Variants in COL1A2 observed in about 807,000 individuals in gnomAD.
COL1A2 encodes the protein collagen type I alpha 2 chain, also known as collagen alpha-2(I) chain.
A neutral mutation model predicts 174.3 loss-of-function variants in COL1A2; 49 were observed. The observed-to-expected ratio is 0.28, with a 90% CI of 0.22 to 0.36. The LOEUF is 0.36. COL1A2 is among the 10% of genes least tolerant of loss of function. The probability of loss-of-function intolerance (pLI) is 1.00; values close to 1 mark genes in which losing one functional copy is unlikely to be tolerated. For missense variants in COL1A2, 1,438 were observed against 1,822.7 expected (o/e 0.79, Z 3.84); for synonymous variants, 655 against 606.6 (o/e 1.08, Z -1.17).
At chr7:94,398,439 G>A (rs1374798220) in intron 3 of COL1A2, 43 bp downstream of exon 3, 11 of 841,656 alleles carry the variant, frequency 1.3e-5, no homozygotes, top group Admixed American at 2.6e-5. Context: ...AAATTATCAG[G>A]GATAACATAA....
chr7:94,410,238 C>G lies in COL1A2; in HGVS notation c.1036-4C>G. 1 of 1,613,636 alleles carries G rather than the reference C, an allele frequency of 6.2e-7. No individual in the cohort carries two copies. The highest frequency in any genetic ancestry group is 8.5e-7 in the Non-Finnish European group (1 of 1,179,984). On this transcript the variant is annotated splice_polypyrimidine_tract_variant and splice_region_variant and intron_variant, in intron 19 of 51. Transcript: ENST00000297268. ...TTTGACCACTGTTCTGTATTGAACC[C>G]TAGGGTGAGCCTGGTCCAGCTGGCT...
intron 39 of COL1A2, chr7:94,422,572 T>TAA (rs56747800): frequency 8.9e-5 from 16 of 179,432 alleles, no homozygotes; most frequent in Non-Finnish European, 1.4e-4. Flanking sequence ...TGGCTTTCTT[T>TAA]AAAAAAAAAA....
chr7:94,425,747 T>C lies in COL1A2; in HGVS notation c.2836-3T>C. Reference sequence around the variant, plus strand: ...ATGCTAAGCTTCATTTTGCCTTTGGTAGGGAGAGCGCGGTTACCCTGGCAA... The same window carrying C: ...ATGCTAAGCTTCATTTTGCCTTTGGCAGGGAGAGCGCGGTTACCCTGGCAA... On this transcript the variant is annotated splice_polypyrimidine_tract_variant and splice_region_variant and intron_variant, in intron 43 of 51. Transcript: ENST00000297268. The C allele has an allele frequency of 6.2e-7, 1 of 1,613,856 alleles. No individual in the cohort carries two copies. Among genetic ancestry groups the C allele is most frequent in the Non-Finnish European group, 8.5e-7 (1 of 1,179,896 alleles).
At chr7:94,428,150 A>T in intron 49 of COL1A2, 143 bp from the exon 50 acceptor site, 1 of 857,368 alleles carries the variant, frequency 1.2e-6, no homozygotes, top group Non-Finnish European at 1.9e-6. Flanking sequence ...TAATCTTAAA[A>T]ATAGCCACCC....
In COL1A2 at chr7:94,415,246, T is replaced by G; in HGVS notation, c.1740T>G (p.Gly580=). 6.2e-7 allele frequency: 1 copy of G among 1,613,910 alleles called. No homozygotes were observed. ...PGERGLHGEF[G]LPGPAGPRGE... ...TCTAGGGTCTCCATGGTGAGTTTGGTCTCCCTGGTCCTGCTGGTCCAAGAG... is the reference window on the plus strand; with the variant it reads ...TCTAGGGTCTCCATGGTGAGTTTGGGCTCCCTGGTCCTGCTGGTCCAAGAG... The change falls in exon 30 of 52, where the codon GGT becomes GGG. Residue 580 remains glycine, a synonymous_variant. Coordinates refer to ENST00000297268, the MANE Select transcript of COL1A2 (RefSeq NM_000089.4).
intron 16 of COL1A2, 57 bp from the exon 17 acceptor site, chr7:94,409,265 C>G: frequency 6.8e-7 from 1 of 1,460,216 alleles, no homozygotes; most frequent in Non-Finnish European, 9.6e-7. Context: ...ATCTTAAAAA[C>G]AGATATGCTG....
At position 94,426,000 on chromosome 7, in the gene COL1A2, T is replaced by C; in HGVS notation, c.2946T>C (p.Gly982=). Residue 982 remains glycine (G), a splice_region_variant and synonymous_variant, in exon 45 of 52, where the codon GGT becomes GGC. Coordinates refer to ENST00000297268, the MANE Select transcript of COL1A2 (RefSeq NM_000089.4). ...AGKHGNRGET[G]PSGPVGPAGA... is the part of the protein sequence containing the mutation. ...TGTTTTTCTTTTTCATTTCACAGGG[T>C]CCTTCTGGTCCTGTTGGTCCTGCTG... The C allele has an allele frequency of 6.2e-7, 1 of 1,614,022 alleles. No homozygotes were observed.
At chr7:94,411,552 G>T (rs964131405) in intron 23 of COL1A2, among the ~76,000 whole-genome samples, 1 of 152,122 alleles carries the variant, frequency 6.6e-6, no homozygotes, top group Non-Finnish European at 1.5e-5. Flanking sequence ...ATCACAAAGT[G>T]CTGTAATGTA....
At chr7:94,412,193 T>G in intron 24 of COL1A2, 72 bp downstream of exon 24, 2 of 1,283,156 alleles carry the variant, frequency 1.6e-6, no homozygotes, top group East Asian at 2.4e-5. Context: ...ATTTTGTGGC[T>G]TATTTATACA....
intron 4 of COL1A2, among the ~76,000 whole-genome samples, chr7:94,399,814 A>C (rs1217555584): frequency 6.6e-6 from 1 of 152,198 alleles, no homozygotes. Context: ...AACATACCAA[A>C]ACAATTGAAT....
rs778499438 is a variant in COL1A2 at position 94,408,198 on chromosome 7, C to A, written c.655C>A (p.Pro219Thr). Residue 219 changes from proline to threonine, a missense_variant, in exon 14 of 52, where the codon CCT becomes ACT. Pro to Thr is a conservative substitution (Grantham distance 38, BLOSUM62 -1). Coordinates refer to ENST00000297268, the MANE Select transcript of COL1A2 (RefSeq NM_000089.4). ...TPGQTGARGL[P>T]GERGRVGAPG... ...CTGCTTCTAGGGAGCCCGTGGGCTT[C>A]CTGGTGAGAGAGGACGTGTTGGTGC... is the stretch of plus-strand genomic sequence containing the variant. 1 of 1,613,872 alleles carries A rather than the reference C, an allele frequency of 6.2e-7. No homozygotes were observed. The highest frequency in any genetic ancestry group is 8.5e-7 in the Non-Finnish European group (1 of 1,179,976).
intron 21 of COL1A2, 92 bp downstream of exon 21, chr7:94,410,619 T>A: frequency 8.8e-7 from 1 of 1,138,566 alleles, no homozygotes; most frequent in Non-Finnish European, 1.3e-6. Flanking sequence ...TGACTGTGTT[T>A]TCTTAGGCAA....
chr7:94,416,309 G>A, intron 30 of COL1A2, 96 bp from the exon 31 acceptor site: 1 of 1,075,732 alleles, frequency 9.3e-7, no homozygotes, highest in Admixed American at 2.4e-5. Context: ...ATGCAAACCA[G>A]GGCTCGGAAG....
rs10234951 is a variant in COL1A2 at position 94,419,222 on chromosome 7, T to G, written c.2026-276T>G. 0.083 allele frequency among the ~76,000 whole-genome samples: 12,493 copies of G among 151,394 alleles called. 631 individuals are homozygous for G. Among genetic ancestry groups the G allele is most frequent in the Middle Eastern group, 0.14 (41 of 294 alleles). On this transcript the variant is annotated intron_variant, in intron 33 of 51. Coordinates refer to ENST00000297268, the MANE Select transcript of COL1A2 (RefSeq NM_000089.4). Reference sequence around the variant, plus strand: ...ACTCATTTGCTGCTCTCCAGGGAATTTTACAATAGCGGAAAGTTCAGATCT... The same window carrying G: ...ACTCATTTGCTGCTCTCCAGGGAATGTTACAATAGCGGAAAGTTCAGATCT...
At chr7:94,413,597 AC>A in intron 26 of COL1A2, 92 bp from the exon 27 acceptor site, 1 of 1,237,790 alleles carries the variant, frequency 8.1e-7, no homozygotes, top group Non-Finnish European at 1.2e-6. Flanking sequence ...AAAATGACAA[AC>A]TTGTTTTAAG....
At position 94,427,890 on chromosome 7, in the gene COL1A2, G is replaced by T. The variant is rs1336043107; in HGVS notation, c.3526+5G>T. The T allele has an allele frequency of 2.5e-6, 4 of 1,613,838 alleles. No homozygotes were observed. The highest frequency in any genetic ancestry group is 1.7e-6 in the Non-Finnish European group (2 of 1,179,972). ...GCCACCCAGAGTGGAGCAGTGGTAG[G>T]TCAAGATGTCCAGACCAGACTGACC... On this transcript the variant is annotated splice_donor_5th_base_variant and intron_variant, in intron 49 of 51. Coordinates refer to ENST00000297268, the MANE Select transcript of COL1A2 (RefSeq NM_000089.4).
chr7:94,425,721 G>A (rs764359021), intron 43 of COL1A2, 29 bp from the exon 44 acceptor site: 1 of 1,613,920 alleles, frequency 6.2e-7, no homozygotes, highest in Admixed American at 1.7e-5. Flanking sequence ...AACCCAGATT[G>A]ATGCTAAGCT....
intron 43 of COL1A2, 35 bp from the exon 44 acceptor site, chr7:94,425,715 C>G: frequency 6.2e-7 from 1 of 1,613,836 alleles, no homozygotes; most frequent in Non-Finnish European, 8.5e-7. Flanking sequence ...AAATGCAACC[C>G]AGATTGATGC....
rs767454542 is a variant in COL1A2 at position 94,429,478 on chromosome 7, G to A, written c.3954+48G>A. On this transcript the variant is annotated intron_variant, in intron 51 of 51. Transcript: ENST00000297268. Reference sequence around the variant, plus strand: ...AATAGCTTTGGGAAGTGGGATGGAGGGGGTTCTAACTTAGACTGCCCCCAA... The same window carrying A: ...AATAGCTTTGGGAAGTGGGATGGAGAGGGTTCTAACTTAGACTGCCCCCAA... The A allele has an allele frequency of 1.2e-5, 20 of 1,608,968 alleles. No homozygotes were observed. In the African/African-American group the frequency reaches 2.1e-4, roughly 17 times the overall value.
Sources: allele counts gnomAD v4.1 joint callset (sites outside exome capture counted in the v4.1 genomes callset), GRCh38; gene constraint gnomAD v4.1.1; transcripts MANE v1.5; gene names NCBI Gene and HGNC (gene_info 2026-07-23, HGNC 2026-07-21).